TAF1A: variants seen among roughly 807,000 people sequenced by gnomAD.
The protein encoded by TAF1A is TATA box-binding protein-associated factor RNA polymerase I subunit A.
A neutral mutation model predicts 61.6 loss-of-function variants in TAF1A; 42 were observed. The observed-to-expected ratio is 0.68, with a 90% CI of 0.53 to 0.88. The LOEUF is 0.88. TAF1A is among the 40% of genes least tolerant of loss of function. TAF1A has a pLI of 0.00. For missense variants in TAF1A, 424 were observed against 518.7 expected, an observed-to-expected ratio of 0.82 and a Z score of 1.77; for synonymous variants, 179 against 177.7, an observed-to-expected ratio of 1.01 and a Z score of -0.06.
chr1:222,574,998 A>T (rs960708937), intron 5 of TAF1A, among the ~76,000 whole-genome samples: 1 of 152,130 alleles, frequency 6.6e-6, no homozygotes, highest in African/African-American at 2.4e-5. Context: ...TATTCATTAT[A>T]TCTCACATTT....
intron 9 of TAF1A, 28 bp from the exon 10 acceptor site, chr1:222,561,546 G>A (rs1047747418): frequency 9.6e-6 from 15 of 1,565,072 alleles, no homozygotes; most frequent in Non-Finnish European, 1.2e-5. Flanking sequence ...CAAAAGAGAG[G>A]GTCAATGATG....
At chr1:222,556,600 G>A (rs1426455270), downstream of TAF1A, among the ~76,000 whole-genome samples, 1 of 152,176 alleles carries the variant, frequency 6.6e-6, no homozygotes, top group Non-Finnish European at 1.5e-5. Context: ...AGCTATTACT[G>A]TTATTCATGG....
At chr1:222,571,371 T>C (rs1443958796) in intron 5 of TAF1A, among the ~76,000 whole-genome samples, 1 of 152,086 alleles carries the variant, frequency 6.6e-6, no homozygotes, top group Non-Finnish European at 1.5e-5. Context: ...ATATTGGTGG[T>C]TCCAGCCAGG....
chr1:222,563,375 C>T, intron 8 of TAF1A, 79 bp from the exon 9 acceptor site: 1 of 1,407,892 alleles, frequency 7.1e-7, no homozygotes, highest in Non-Finnish European at 9.8e-7. Flanking sequence ...TACATTTTAT[C>T]AACTGTATAT....
intron 8 of TAF1A, 128 bp downstream of exon 8, chr1:222,563,931 T>G: frequency 1.6e-6 from 1 of 636,768 alleles, no homozygotes; most frequent in Admixed American, 3.0e-5. Context: ...CAGAAACAGA[T>G]GGACTCCAAC....
chr1:222,575,911 C>A (rs1388107732), intron 5 of TAF1A, among the ~76,000 whole-genome samples: 2 of 152,082 alleles, frequency 1.3e-5, no homozygotes, highest in Non-Finnish European at 2.9e-5. Context: ...TTTACCTAAC[C>A]ATGTATAAGA....
At chr1:222,589,619 G>A (rs1488347159) in intron 1 of TAF1A, 108 bp downstream of exon 1, 2 of 155,458 alleles carry the variant, frequency 1.3e-5, no homozygotes, top group African/African-American at 2.4e-5. Context: ...AGACCCCAAG[G>A]GTTTCAGGTA....
chr1:222,567,736 T>A (rs1660172916), intron 7 of TAF1A, among the ~76,000 whole-genome samples: 1 of 152,134 alleles, frequency 6.6e-6, no homozygotes, highest in Non-Finnish European at 1.5e-5. Flanking sequence ...ACAATATACA[T>A]GGAAAGTTAA....
chr1:222,581,607 G>A (rs1660792267), intron 3 of TAF1A, among the ~76,000 whole-genome samples: 1 of 152,184 alleles, frequency 6.6e-6, no homozygotes, highest in African/African-American at 2.4e-5. Flanking sequence ...GAATGCAGCA[G>A]GACAAGGAGA....
intron 7 of TAF1A, chr1:222,568,904 A>G (rs1457300949): frequency 6.5e-6 from 1 of 152,768 alleles, no homozygotes; most frequent in Non-Finnish European, 1.5e-5. Context: ...TTCAGCAGTA[A>G]TAAGGAAATT....
At chr1:222,559,497 T>A (rs971515582) in intron 10 of TAF1A, among the ~76,000 whole-genome samples, 4 of 152,232 alleles carry the variant, frequency 2.6e-5, no homozygotes, top group Admixed American at 6.5e-5. Context: ...AAACTGGATA[T>A]TGAGGTTTTT....
chr1:222,584,426 A>G (rs1284913314), intron 2 of TAF1A, 129 bp from the exon 3 acceptor site: 2 of 719,224 alleles, frequency 2.8e-6, no homozygotes, highest in Non-Finnish European at 4.3e-6. Flanking sequence ...CATTCCCAGT[A>G]CCAAAGCCAG....
At chr1:222,567,590 A>G (rs1660167428) in intron 7 of TAF1A, among the ~76,000 whole-genome samples, 1 of 152,164 alleles carries the variant, frequency 6.6e-6, no homozygotes, top group Non-Finnish European at 1.5e-5. Context: ...GAAATTAAAA[A>G]CCTAAATAAA....
chr1:222,575,222 A>AT (rs999662359), intron 5 of TAF1A, among the ~76,000 whole-genome samples: 3 of 151,936 alleles, frequency 2.0e-5, no homozygotes, highest in Non-Finnish European at 4.4e-5. Flanking sequence ...ATGGAAAAAA[A>AT]TTTTTTTTAA....
chr1:222,587,760 C>CT (rs1661075497), intron 2 of TAF1A, among the ~76,000 whole-genome samples: 1 of 152,026 alleles, frequency 6.6e-6, no homozygotes, highest in South Asian at 2.1e-4. Context: ...GGAAAATGCT[C>CT]TTTTATCTAG....
intron 2 of TAF1A, among the ~76,000 whole-genome samples, chr1:222,587,437 T>G (rs561810778): frequency 6.6e-6 from 1 of 152,118 alleles, no homozygotes; most frequent in Non-Finnish European, 1.5e-5. Flanking sequence ...GGGATGATAC[T>G]TAGATCAAAA....
At chr1:222,569,165 A>G (rs1660240145) in intron 7 of TAF1A, 1 of 836,930 alleles carries the variant, frequency 1.2e-6, no homozygotes, top group Non-Finnish European at 1.5e-6. Context: ...ATGGTGGTTC[A>G]TGAATGTAAC....
In TAF1A at chr1:222,577,498, C is replaced by T; in HGVS notation, c.551G>A (p.Gly184Glu). 1.9e-6 allele frequency: 3 copies of T among 1,613,824 alleles called. No homozygotes were observed. Among genetic ancestry groups the T allele is most frequent in the East Asian group, 4.5e-5 (2 of 44,846 alleles). The change falls in exon 5 of 11, where the codon GGG becomes GAG. Residue 184 changes from glycine to glutamate, a missense_variant. By Grantham distance (98) the Gly-to-Glu change is moderately conservative. Coordinates refer to ENST00000352967, the MANE Select transcript of TAF1A (RefSeq NM_005681.4). ...AGACCAGGTATAATACTGTAAAAGC[C>T]CTTTATAGGCCTGAATAAGGTTGAT... The part of the protein sequence containing the change: ...ILINLIQAYK[G>E]LLQYYTWSEK...
At chr1:222,588,410 G>A in intron 2 of TAF1A, 33 bp downstream of exon 2, 1 of 1,601,306 alleles carries the variant, frequency 6.2e-7, no homozygotes, top group Non-Finnish European at 8.5e-7. Context: ...CCTCCTTAAA[G>A]TTAAAATGGC....
Sources: gnomAD v4.1 joint callset for allele counts (sites outside exome capture counted in the v4.1 genomes callset) on GRCh38, gnomAD v4.1.1 for gene constraint, MANE v1.5 for transcripts, NCBI Gene and HGNC (gene_info 2026-07-23, HGNC 2026-07-21) for gene names.